PRRC2A: variants seen among roughly 807,000 people sequenced by gnomAD.
PRRC2A encodes the protein proline rich coiled-coil 2A, also known as protein PRRC2A.
Under a neutral mutation model 224.6 loss-of-function variants are expected in PRRC2A, and 59 were observed. The ratio of observed to expected loss-of-function variants is 0.26; its 90% CI spans 0.21 to 0.33. The LOEUF (loss-of-function observed/expected upper bound fraction) is 0.33. Among genes scored for constraint, PRRC2A ranks in the 10% least tolerant of loss-of-function variants. The pLI, the probability that PRRC2A is intolerant of heterozygous loss-of-function variation, is 1.00. For missense variants in PRRC2A, 3,095 were observed against 2,880.7 expected, an observed-to-expected ratio of 1.07 and a Z score of -1.70; for synonymous variants, 1,194 against 1,109.5, an observed-to-expected ratio of 1.08 and a Z score of -1.51.
rs1372023647 is a variant in PRRC2A, at chr6:31,623,719, T to C, written c.113-13T>C. On this transcript the variant is annotated splice_polypyrimidine_tract_variant and intron_variant, in intron 2 of 30. Coordinates refer to ENST00000376033, the MANE Select transcript of PRRC2A (RefSeq NM_004638.4). The stretch of plus-strand genomic sequence containing the variant: ...TGAGGCATTTTCGACCCTCTCTCCG[T>C]CTTGTTCTCCAGTTGCCCCTCGCCA... 6.2e-7 allele frequency: 1 copy of C among 1,613,762 alleles called. No homozygotes were observed. The highest frequency in any genetic ancestry group is 8.5e-7 in the Non-Finnish European group (1 of 1,179,702).
rs575460469 is a variant in PRRC2A at position 31,631,905 on chromosome 6, G to C, written c.3232G>C (p.Ala1078Pro). ...GACAGGGGGACCAAACCACCCTCCT[G>C]CTCCCCGAGGCCGCACTGCCAGCGA... is the stretch of plus-strand genomic sequence containing the variant. The part of the protein sequence containing the change: ...GGTGGPNHPP[A>P]PRGRTASETR... The change falls in exon 16 of 31, where the codon GCT becomes CCT. Residue 1078 changes from alanine to proline, a missense_variant. By Grantham distance (27) the Ala-to-Pro change is conservative (BLOSUM62 -1). Coordinates refer to ENST00000376033, the MANE Select transcript of PRRC2A (RefSeq NM_004638.4). The surrounding 1 kb of genome is among the most constrained non-coding windows in gnomAD (Gnocchi z 4.5). The C allele has an allele frequency of 1.3e-5, 21 of 1,612,168 alleles. No individual in the cohort carries two copies. The highest frequency in any genetic ancestry group is 3.3e-5 in the Admixed American group (2 of 59,884).
chr6:31,637,746 G>T lies in PRRC2A; in HGVS notation c.*160G>T. ...CCCTGGGGCTGTTTGTTAAAAAAGA[G>T]TAATAAAAGGATTTAAAAAAAAAAA... On this transcript the variant is annotated 3_prime_UTR_variant, in exon 31 of 31. Coordinates refer to ENST00000376033, the MANE Select transcript of PRRC2A (RefSeq NM_004638.4). The T allele has an allele frequency of 9.2e-6, 4 of 434,068 alleles. No homozygotes were observed. The highest frequency in any genetic ancestry group is 6.0e-4 in the Middle Eastern group (1 of 1,658). The allele number at this position is 434,068 out of a possible 1,614,324, so 26.9% of individuals were successfully genotyped here.
chr6:31,631,880 G>T lies in PRRC2A; in HGVS notation c.3207G>T (p.Gly1069=), dbSNP rs1257225845. Residue 1069 remains glycine, a synonymous_variant, in exon 16 of 31, where the codon GGG becomes GGT. Transcript: ENST00000376033. This position sits in a 1 kb window ranked among gnomAD's most constrained non-coding sequence, Gnocchi z 4.5. ...GAGGAGATGATGGGCGTGGAGGTGG[G>T]ACAGGGGGACCAAACCACCCTCCTG... ...EFRGDDGRGG[G]TGGPNHPPAP... is the part of the protein sequence containing the mutation. 1.2e-6 allele frequency: 2 copies of T among 1,610,814 alleles called. No homozygotes were observed. The highest frequency in any genetic ancestry group is 1.7e-6 in the Non-Finnish European group (2 of 1,179,176).
rs755494478 is a variant in PRRC2A, at chr6:31,637,338, C to G, written c.6333+14C>G. On this transcript the variant is annotated intron_variant, in intron 30 of 30. Transcript: ENST00000376033. ...CTTTACCAGCAGGTGAAGGAGAAAC[C>G]CTTGTGGCCCCAACTCTAAATTCGA... 6.2e-7 allele frequency: 1 copy of G among 1,605,926 alleles called. No individual in the cohort carries two copies. The highest frequency in any genetic ancestry group is 1.1e-5 in the South Asian group (1 of 90,914).
In PRRC2A at chr6:31,634,473, C is replaced by T. The variant is rs1490132527; in HGVS notation, c.4851C>T (p.Ala1617=). The change falls in exon 20 of 31, where the codon GCC becomes GCT. Residue 1617 remains alanine, a splice_region_variant and synonymous_variant. Coordinates refer to ENST00000376033, the MANE Select transcript of PRRC2A (RefSeq NM_004638.4). The stretch of plus-strand genomic sequence containing the variant: ...TCTGGTTGGTGCTCCCTTCTCCAGC[C>T]ACTAGCCGAAAGAGTTACCGGCCCA... The part of the protein sequence containing the change: ...TPHIWNRLHT[A]TSRKSYRPSS... The T allele has an allele frequency of 1.9e-6, 3 of 1,612,956 alleles. No homozygotes were observed. Among genetic ancestry groups the T allele is most frequent in the South Asian group, 1.1e-5 (1 of 91,080 alleles).
At position 31,625,649 on chromosome 6, in the gene PRRC2A, G is replaced by A. The variant is rs1217108871; in HGVS notation, c.759+38G>A. On this transcript the variant is annotated intron_variant, in intron 7 of 30. Transcript: ENST00000376033. This position sits in a 1 kb window ranked among gnomAD's most constrained non-coding sequence, Gnocchi z 4.1. ...GTCTTGTCTTGGAACGATTACACTG[G>A]AAGCTGGAGAGCTAGGAATCAGGAC... The A allele has an allele frequency of 6.2e-7, 1 of 1,605,246 alleles. No homozygotes were observed. Among genetic ancestry groups the A allele is most frequent in the Non-Finnish European group, 8.5e-7 (1 of 1,174,584 alleles).
Position 31,631,354 on chromosome 6 carries a change from C to A in PRRC2A, c.2681C>A (p.Thr894Lys). ...EPPKEETAQL[T>K]GPEAGRKPAR... ...CCTAAGGAGGAGACTGCACAGCTGA[C>A]GGGGCCAGAAGCAGGCCGAAAGCCT... The change falls in exon 16 of 31, where the codon ACG (threonine) becomes AAG (lysine). Residue 894 changes from threonine to lysine, a missense_variant. Thr to Lys is a moderately conservative substitution (Grantham distance 78). This residue lies in a region of PRRC2A where 2,001 missense variants were observed against 1,764.9 expected (regional missense o/e 1.13). Transcript: ENST00000376033. The surrounding 1 kb of genome is among the most constrained non-coding windows in gnomAD (Gnocchi z 4.5). 1 of 1,601,804 alleles carries A rather than the reference C, an allele frequency of 6.2e-7. No homozygotes were observed. Among genetic ancestry groups the A allele is most frequent in the Non-Finnish European group, 8.5e-7 (1 of 1,175,588 alleles).
At chr6:31,630,096 C>A (rs562866214) in intron 14 of PRRC2A, among the ~76,000 whole-genome samples, 1 of 152,108 alleles carries the variant, frequency 6.6e-6, no homozygotes, top group Non-Finnish European at 1.5e-5. Flanking sequence ...GTGGGCAGAT[C>A]AACTGAGTTC....
chr6:31,626,921 T>C, intron 10 of PRRC2A, 59 bp downstream of exon 10: 10 of 1,613,086 alleles, frequency 6.2e-6, no homozygotes, highest in South Asian at 5.5e-5. Flanking sequence ...TTTGGTAATA[T>C]ACTCTTAGAG....
rs1776063095 is a variant in PRRC2A, at chr6:31,627,645, C to A, written c.1291-120C>A. ...TGAGTTTGTCACCACCCAGAGAGATCAACCCCAAAGCCTGGGTCGTTGCAT... is the reference window on the plus strand; with the variant it reads ...TGAGTTTGTCACCACCCAGAGAGATAAACCCCAAAGCCTGGGTCGTTGCAT... On this transcript the variant is annotated intron_variant, in intron 11 of 30. Coordinates refer to ENST00000376033, the MANE Select transcript of PRRC2A (RefSeq NM_004638.4). The surrounding 1 kb of genome is among the most constrained non-coding windows in gnomAD (Gnocchi z 5.6). 1.5e-6 allele frequency: 2 copies of A among 1,295,392 alleles called. No individual in the cohort carries two copies. Among genetic ancestry groups the A allele is most frequent in the Non-Finnish European group, 2.1e-6 (2 of 957,116 alleles). The allele number at this position is 1,295,392 out of a possible 1,614,324, so 80.2% of individuals were successfully genotyped here. A position where few individuals can be genotyped will look rare whatever the true frequency, so the allele number is the denominator to read the frequency against.
intron 14 of PRRC2A, 106 bp from the exon 15 acceptor site, chr6:31,630,485 G>C: frequency 8.7e-7 from 1 of 1,148,216 alleles, no homozygotes; most frequent in South Asian, 1.4e-5. Flanking sequence ...GACCTACTGG[G>C]AACAAGAGAT....
At position 31,625,057 on chromosome 6, in the gene PRRC2A, C is replaced by G; in HGVS notation, c.464-114C>G. 1 of 1,245,064 alleles carries G rather than the reference C, an allele frequency of 8.0e-7. No homozygotes were observed. The highest frequency in any genetic ancestry group is 1.1e-6 in the Non-Finnish European group (1 of 885,792). The allele number at this position is 1,245,064 out of a possible 1,614,324, so 77.1% of individuals were successfully genotyped here. A position where few individuals can be genotyped will look rare whatever the true frequency, so the allele number is the denominator to read the frequency against. The stretch of plus-strand genomic sequence containing the variant: ...TCGTGATCCGCCCGCCTCAGCCTCC[C>G]AGAGTGCTGGGATTACAGGCGTGAG... On this transcript the variant is annotated intron_variant, in intron 5 of 30. Coordinates refer to ENST00000376033, the MANE Select transcript of PRRC2A (RefSeq NM_004638.4). The surrounding 1 kb of genome is among the most constrained non-coding windows in gnomAD (Gnocchi z 4.1).
In PRRC2A at chr6:31,629,321, A is replaced by AGCG. The variant is rs768870169; in HGVS notation, c.1946_1948dup (p.Arg649dup). 1 of 1,564,382 alleles carries AGCG rather than the reference A, an allele frequency of 6.4e-7. No homozygotes were observed. The highest frequency in any genetic ancestry group is 8.7e-7 in the Non-Finnish European group (1 of 1,155,918). On this transcript the variant is annotated inframe_insertion, in exon 13 of 31. Transcript: ENST00000376033. Reference sequence around the variant, plus strand: ...CAGAAGTCGTTGCCTCCTCGTTTCCAGCGGCAGCAGCAGGTGAAATCAAGT... The same window carrying AGCG: ...CAGAAGTCGTTGCCTCCTCGTTTCCAGCGGCGGCAGCAGCAGGTGAAATCAAGT...
Position 31,632,413 on chromosome 6 carries a change from G to T in PRRC2A, c.3740G>T (p.Arg1247Met). The T allele has an allele frequency of 6.2e-7, 1 of 1,609,006 alleles. No individual in the cohort carries two copies. Among genetic ancestry groups the T allele is most frequent in the Non-Finnish European group, 8.5e-7 (1 of 1,177,282 alleles). ...CGACCCCGAAGGAGGCGACATGGGA[G>T]GGCTCAGCAGCAGGATAAACCGCCT... ...GERPRRRRHG[R>M]AQQQDKPPRF... The change falls in exon 16 of 31, where the codon AGG (arginine) becomes ATG (methionine). Residue 1247 changes from arginine to methionine, a missense_variant. By Grantham distance (91) the Arg-to-Met change is moderately conservative. Around this residue, in one of 8 missense-constraint regions of PRRC2A, gnomAD observed 2,001 missense variants for 1,764.9 expected, o/e 1.13. Coordinates refer to ENST00000376033, the MANE Select transcript of PRRC2A (RefSeq NM_004638.4).
At position 31,625,934 on chromosome 6, in the gene PRRC2A, G is replaced by C. The variant is rs574224240; in HGVS notation, c.839+63G>C. 5.5e-5 allele frequency: 87 copies of C among 1,586,936 alleles called. No individual in the cohort carries two copies. In the East Asian group the frequency reaches 1.8e-3, roughly 33 times the overall value. On this transcript the variant is annotated intron_variant, in intron 8 of 30. Coordinates refer to ENST00000376033, the MANE Select transcript of PRRC2A (RefSeq NM_004638.4). This position sits in a 1 kb window ranked among gnomAD's most constrained non-coding sequence, Gnocchi z 4.1. ...GGGAAGCTTATTGGGGGAGGAGATG[G>C]TTTTCTAGCCAGGAGGCTCAGTCTA...
Position 31,631,597 on chromosome 6 carries a change from C to T in PRRC2A, c.2924C>T (p.Thr975Ile). 2 of 1,545,666 alleles carry T rather than the reference C, an allele frequency of 1.3e-6. No individual in the cohort carries two copies. The highest frequency in any genetic ancestry group is 8.7e-7 in the Non-Finnish European group (1 of 1,151,260). ...PPKPLEQGDE[T>I]PKPPKPDPLK... The stretch of plus-strand genomic sequence containing the variant: ...AAGCCCCTCGAACAGGGGGATGAAA[C>T]CCCCAAACCCCCAAAGCCAGACCCA... Residue 975 changes from threonine (T) to isoleucine (I), a missense_variant, in exon 16 of 31, where the codon ACC becomes ATC. By Grantham distance (89) the Thr-to-Ile change is moderately conservative (BLOSUM62 -1). Transcript: ENST00000376033. This position sits in a 1 kb window ranked among gnomAD's most constrained non-coding sequence, Gnocchi z 4.5.
rs1390505720 is a variant in PRRC2A, at chr6:31,636,218, C to T, written c.5634C>T (p.Pro1878=). The T allele has an allele frequency of 1.2e-6, 2 of 1,612,438 alleles. No individual in the cohort carries two copies. The highest frequency in any genetic ancestry group is 2.2e-5 in the East Asian group (1 of 44,886). The change falls in exon 26 of 31, where the codon CCC becomes CCT. Residue 1878 remains proline, a synonymous_variant. Transcript: ENST00000376033. The surrounding 1 kb of genome is among the most constrained non-coding windows in gnomAD (Gnocchi z 4.3). ...CACAATTTATTTTCAGATCACAGCC[C>T]CTATACCTACCCCCCGGCCCAGCCC... is the stretch of plus-strand genomic sequence containing the variant. ...TPSLHPYRSQ[P]LYLPPGPAPP... is the part of the protein sequence containing the mutation.
In PRRC2A at chr6:31,630,768, G is replaced by T. The variant is rs1355439141; in HGVS notation, c.2432G>T (p.Arg811Leu). Reference protein sequence around the residue: ...AEPRPLTSPLRQAADEDDKGM... With the variant: ...AEPRPLTSPLLQAADEDDKGM... ...CCCCGCCCACTTACCTCACCTCTGC[G>T]CCAGGCTGCGGATGAGGATGACAAG... The change falls in exon 15 of 31, where the codon CGC becomes CTC. Residue 811 changes from arginine (R) to leucine (L), a missense_variant. Coordinates refer to ENST00000376033, the MANE Select transcript of PRRC2A (RefSeq NM_004638.4). 1.2e-6 allele frequency: 2 copies of T among 1,614,176 alleles called. No individual in the cohort carries two copies. Among genetic ancestry groups the T allele is most frequent in the Non-Finnish European group, 1.7e-6 (2 of 1,180,038 alleles).
At chr6:31,630,311 G>T (rs776496889) in intron 14 of PRRC2A, among the ~76,000 whole-genome samples, 1 of 138,374 alleles carries the variant, frequency 7.2e-6, no homozygotes, top group Admixed American at 7.1e-5. Context: ...GCGAAACTCC[G>T]TCTCAAAAAT....
Sources: gnomAD v4.1 joint callset for allele counts (sites outside exome capture counted in the v4.1 genomes callset) on GRCh38, gnomAD v4.1.1 for gene constraint, gnomAD v4.1.1 regional missense constraint, Gnocchi (gnomAD v3.1) non-coding constraint, MANE v1.5 for transcripts, NCBI Gene and HGNC (gene_info 2026-07-23, HGNC 2026-07-21) for gene names.